The following SH3RF3 variants were observed in gnomAD, a reference collection of about 807,000 sequenced individuals.
The protein encoded by SH3RF3 is SH3 domain containing ring finger 3.
A neutral mutation model predicts 66.3 loss-of-function variants in SH3RF3; 29 were observed. The observed-to-expected ratio is 0.44, with a 90% confidence interval of 0.33 to 0.60. SH3RF3 has a LOEUF of 0.60. SH3RF3 is among the 20% of genes least tolerant of loss of function. The pLI, the probability that SH3RF3 is intolerant of heterozygous loss-of-function variation, is 0.04. For missense variants in SH3RF3, 1,194 were observed against 1,190.9 expected, an observed-to-expected ratio of 1.00 and a Z score of -0.04; for synonymous variants, 583 against 532.0, an observed-to-expected ratio of 1.10 and a Z score of -1.32.
At chr2:109,202,589 G>T (rs34208472) in intron 1 of SH3RF3, among the ~76,000 whole-genome samples, 16 of 152,260 alleles carry the variant, frequency 1.1e-4, no homozygotes, top group Admixed American at 3.9e-4. Context: ...TAAAAATTGA[G>T]AATTCCTTTT....
chr2:109,249,532 T>TTTCTTTCTTTTTCTTTCTTTCCTTCC (rs1680019798), intron 1 of SH3RF3, among the ~76,000 whole-genome samples: 1 of 96,450 alleles, frequency 1.0e-5, no homozygotes, highest in Non-Finnish European at 2.0e-5. Flanking sequence ...TCTTTCTTTC[T>TTTCTTTCTTTTTCTTTCTTTCCTTCC]TTCCTTCCTT....
intron 1 of SH3RF3, among the ~76,000 whole-genome samples, chr2:109,299,524 C>A (rs1681406063): frequency 6.6e-6 from 1 of 152,052 alleles, no homozygotes; most frequent in East Asian, 1.9e-4. Flanking sequence ...GCCTTGCACC[C>A]CAGGACAGGA....
chr2:109,334,564 C>T lies in SH3RF3; in HGVS notation c.574-13110C>T, dbSNP rs568580085. Among the ~76,000 whole-genome samples, 213 of 152,124 alleles carry T rather than the reference C, an allele frequency of 1.4e-3. 1 individual carries two copies. The highest frequency in any genetic ancestry group is 5.0e-3 in the African/African-American group (209 of 41,498). On this transcript the variant is annotated intron_variant, in intron 1 of 9. Transcript: ENST00000309415. ...CCAGCAGGGGAACCCTCACCCGCTC[C>T]GGGGATGCCAGGGATGGAGTGAGGC...
intron 5 of SH3RF3, among the ~76,000 whole-genome samples, chr2:109,426,895 C>T (rs1370307063): frequency 6.6e-6 from 1 of 152,106 alleles, no homozygotes; most frequent in Non-Finnish European, 1.5e-5. Flanking sequence ...CAAGACAAGA[C>T]CCTCTACCAG....
intron 2 of SH3RF3, among the ~76,000 whole-genome samples, chr2:109,368,708 T>TAAAAAAAAA (rs372666198): frequency 7.3e-6 from 1 of 136,798 alleles, no homozygotes; most frequent in Non-Finnish European, 1.6e-5. Context: ...GTATTTTCTT[T>TAAAAAAAAA]AAAAAAAAAA....
At chr2:109,401,608 G>A (rs1174450539) in intron 4 of SH3RF3, among the ~76,000 whole-genome samples, 2 of 152,170 alleles carry the variant, frequency 1.3e-5, no homozygotes, top group East Asian at 3.9e-4. Context: ...GAGCCCACAG[G>A]GCCCATGACT....
intron 4 of SH3RF3, among the ~76,000 whole-genome samples, chr2:109,403,839 A>T (rs1676378927): frequency 6.6e-6 from 1 of 152,158 alleles, no homozygotes; most frequent in Admixed American, 6.5e-5. Flanking sequence ...ACCTCTTCCC[A>T]AAAACTCCCC....
At position 109,419,624 on chromosome 2, in the gene SH3RF3, T is replaced by A; in HGVS notation, c.1385T>A (p.Val462Asp). ...GGAGAGCAGGGCACGCCTCCCAAGG[T>A]CCAGCTGCCCCTCAACGTGTGAGCT... The part of the protein sequence containing the change: ...VSGEQGTPPK[V>D]QLPLNVYLAL... Residue 462 changes from valine (V) to aspartate (D), a missense_variant, in exon 5 of 10, where the codon GTC becomes GAC. Transcript: ENST00000309415. The A allele has an allele frequency of 6.3e-7, 1 of 1,584,504 alleles. No homozygotes were observed. Among genetic ancestry groups the A allele is most frequent in the Non-Finnish European group, 8.6e-7 (1 of 1,166,952 alleles).
intron 1 of SH3RF3, among the ~76,000 whole-genome samples, chr2:109,249,519 T>TTCTTTCTTTCTTTTTC (rs10646553): frequency 3.2e-5 from 2 of 61,898 alleles, no homozygotes; most frequent in African/African-American, 6.2e-5. Flanking sequence ...CATTCTTTCT[T>TTCTTTCTTTCTTTTTC]TTTCTTTCTT....
chr2:109,372,659 C>G (rs111624832), intron 3 of SH3RF3, among the ~76,000 whole-genome samples: 2,947 of 152,326 alleles, frequency 0.019, 94 homozygotes, highest in African/African-American at 0.061. Context: ...ACCAAGGTTT[C>G]AGCGCGGGCC....
At chr2:109,440,312 C>T (rs1022523040) in intron 7 of SH3RF3, among the ~76,000 whole-genome samples, 1 of 152,182 alleles carries the variant, frequency 6.6e-6, no homozygotes, top group Non-Finnish European at 1.5e-5. Flanking sequence ...TCTTGGGCCG[C>T]CGAGGCCAGG....
chr2:109,391,088 G>A lies in SH3RF3; in HGVS notation c.946-7502G>A, dbSNP rs532106597. Among the ~76,000 whole-genome samples, 18 of 152,288 alleles carry A rather than the reference G, an allele frequency of 1.2e-4. No individual in the cohort carries two copies. In the South Asian group the frequency reaches 3.3e-3, roughly 28 times the overall value. ...GGGTTTTGTCCAGTCCATAAGAGGGGGCTGAAATGAAAACCATTCGCTCCG... is the reference window on the plus strand; with the variant it reads ...GGGTTTTGTCCAGTCCATAAGAGGGAGCTGAAATGAAAACCATTCGCTCCG... On this transcript the variant is annotated intron_variant, in intron 3 of 9. Coordinates refer to ENST00000309415, the MANE Select transcript of SH3RF3 (RefSeq NM_001099289.3).
intron 2 of SH3RF3, among the ~76,000 whole-genome samples, chr2:109,353,465 C>T (rs544671475): frequency 1.4e-4 from 22 of 152,320 alleles, no homozygotes; most frequent in African/African-American, 4.3e-4. Context: ...CACGTGACAC[C>T]GCCTGCCTGA....
chr2:109,169,122 A>T (rs555981525), intron 1 of SH3RF3, among the ~76,000 whole-genome samples: 11 of 152,242 alleles, frequency 7.2e-5, no homozygotes, highest in African/African-American at 2.6e-4. Context: ...TTGCTGGTAG[A>T]TTTGTTAGTT....
At chr2:109,439,649 C>G (rs958146452) in intron 7 of SH3RF3, among the ~76,000 whole-genome samples, 12 of 152,092 alleles carry the variant, frequency 7.9e-5, no homozygotes, top group African/African-American at 2.9e-4. Context: ...CAGAGCACCC[C>G]CTGTAAAGTG....
chr2:109,194,370 G>A (rs1678444101), intron 1 of SH3RF3, among the ~76,000 whole-genome samples: 1 of 152,236 alleles, frequency 6.6e-6, no homozygotes, highest in Admixed American at 6.5e-5. Flanking sequence ...TGTGTCTGCT[G>A]CCACCCCTGC....
In SH3RF3 at chr2:109,501,732, A is replaced by T; in HGVS notation, c.*61A>T. 1 of 699,136 alleles carries T rather than the reference A, an allele frequency of 1.4e-6. No individual in the cohort carries two copies. The highest frequency in any genetic ancestry group is 1.5e-5 in the South Asian group (1 of 66,084). The allele number at this position is 699,136 out of a possible 1,614,324, so 43.3% of individuals were successfully genotyped here. On this transcript the variant is annotated 3_prime_UTR_variant, in exon 10 of 10. Transcript: ENST00000309415. ...GAGGCCGCCTGGGAAGCTCCACGGC[A>T]CACAGAGAGGGAGCCATGGCGCCCC...
intron 2 of SH3RF3, among the ~76,000 whole-genome samples, chr2:109,351,696 G>A (rs745347586): frequency 6.6e-6 from 1 of 152,184 alleles, no homozygotes; most frequent in Non-Finnish European, 1.5e-5. Context: ...AATCACTTTT[G>A]CACATGACTG....
At chr2:109,494,324 C>T (rs1267145322) in intron 9 of SH3RF3, among the ~76,000 whole-genome samples, 2 of 152,148 alleles carry the variant, frequency 1.3e-5, no homozygotes, top group Non-Finnish European at 2.9e-5. Flanking sequence ...CACTCTGTAG[C>T]ACTCATTAAA....
Sources: allele counts gnomAD v4.1 joint callset (sites outside exome capture counted in the v4.1 genomes callset), GRCh38; gene constraint gnomAD v4.1.1; transcripts MANE v1.5; gene names NCBI Gene and HGNC (gene_info 2026-07-23, HGNC 2026-07-21).